The following ABCA13 variants were observed in gnomAD, a reference collection of about 807,000 sequenced individuals.
ABCA13 encodes the protein ATP binding cassette subfamily A member 13, also known as ATP-binding cassette sub-family A member 13.
Under a neutral mutation model 478.7 loss-of-function variants are expected in ABCA13, and 476 were observed. That is an observed-to-expected ratio of 0.99 (90% CI 0.92 to 1.07). The LOEUF is 1.07. Ranked by LOEUF, ABCA13 falls within the 50% of genes least tolerant of loss-of-function variation. The pLI is 0.00. For synonymous variants in ABCA13, 2,252 were observed against 2,158.9 expected, an observed-to-expected ratio of 1.04 and a Z score of -1.20; for missense variants, 6,060 against 5,910.6, an observed-to-expected ratio of 1.03 and a Z score of -0.83.
chr7:48,579,233 T>C (rs962165586), intron 55 of ABCA13, among the ~76,000 whole-genome samples: 1 of 152,164 alleles, frequency 6.6e-6, no homozygotes, highest in African/African-American at 2.4e-5. Context: ...CAGACCCATG[T>C]CTCATAAAAG....
intron 55 of ABCA13, among the ~76,000 whole-genome samples, chr7:48,554,223 T>C (rs1411857884): frequency 6.6e-6 from 1 of 152,132 alleles, no homozygotes; most frequent in East Asian, 1.9e-4. Flanking sequence ...TTTTGGTTAC[T>C]ATGGCTCTGT....
chr7:48,255,956 A>G (rs936530882), intron 15 of ABCA13, among the ~76,000 whole-genome samples: 1 of 151,902 alleles, frequency 6.6e-6, no homozygotes, highest in African/African-American at 2.4e-5. Flanking sequence ...TTTCTCCACA[A>G]CCTCACCAGC....
chr7:48,598,292 A>T (rs1790506373), intron 58 of ABCA13, among the ~76,000 whole-genome samples: 1 of 152,026 alleles, frequency 6.6e-6, no homozygotes, highest in Non-Finnish European at 1.5e-5. Flanking sequence ...GTCATATTCC[A>T]CTATCTGGAT....
chr7:48,220,772 A>G (rs1379043975), intron 4 of ABCA13, among the ~76,000 whole-genome samples: 1 of 152,222 alleles, frequency 6.6e-6, no homozygotes, highest in East Asian at 1.9e-4. Context: ...TGAGGTTTTT[A>G]ACATGCTATT....
Position 48,239,454 on chromosome 7 carries a change from T to C in ABCA13, c.1062+49T>C, listed in dbSNP as rs1421821326. ...CTGTTCAAAGGTGTGCCAGTTTGAG[T>C]GTCCAAATCCATTCTCCTCCCCTGC... On this transcript the variant is annotated intron_variant, in intron 9 of 61. Coordinates refer to ENST00000435803, the MANE Select transcript of ABCA13 (RefSeq NM_152701.5). 3.9e-6 allele frequency: 6 copies of C among 1,528,552 alleles called. No individual in the cohort carries two copies. In the African/African-American group the frequency reaches 8.3e-5, roughly 21 times the overall value. 94.7% of individuals were successfully genotyped at this position (1,528,552 alleles called of 1,614,324 possible).
intron 47 of ABCA13, among the ~76,000 whole-genome samples, chr7:48,485,536 T>G (rs1585542970): frequency 6.6e-6 from 1 of 152,218 alleles, no homozygotes; most frequent in African/African-American, 2.4e-5. Context: ...TCACAAAGTA[T>G]GCATTTATTA....
intron 42 of ABCA13, among the ~76,000 whole-genome samples, chr7:48,430,284 A>G (rs1373612959): frequency 2.0e-5 from 3 of 152,180 alleles, no homozygotes; most frequent in African/African-American, 7.2e-5. Flanking sequence ...TCTTTCTAGG[A>G]ATCTGTCCAT....
intron 27 of ABCA13, among the ~76,000 whole-genome samples, chr7:48,327,970 A>G (rs1019941159): frequency 2.0e-5 from 3 of 152,244 alleles, no homozygotes; most frequent in Non-Finnish European, 4.4e-5. Flanking sequence ...TGAATCAGAT[A>G]TAGACTGATC....
chr7:48,176,087 G>T (rs932386463), intron 1 of ABCA13, among the ~76,000 whole-genome samples: 17 of 152,146 alleles, frequency 1.1e-4, no homozygotes, highest in Admixed American at 7.2e-4. Context: ...CATTCACAGG[G>T]TGGTTGTTGT....
intron 38 of ABCA13, among the ~76,000 whole-genome samples, chr7:48,396,264 G>A (rs151253588): frequency 0.026 from 3,984 of 152,312 alleles, 63 homozygotes; most frequent in Non-Finnish European, 0.037. Flanking sequence ...CCCCTTGTGG[G>A]CTCTCTCAGA....
intron 55 of ABCA13, among the ~76,000 whole-genome samples, chr7:48,570,949 GT>G (rs138036199): frequency 0.067 from 10,223 of 151,792 alleles, 446 homozygotes; most frequent in African/African-American, 0.12. Context: ...TCCTTATTGT[GT>G]TTTTTTGCTA....
At chr7:48,180,937 C>G (rs1181832166) in intron 1 of ABCA13, among the ~76,000 whole-genome samples, 1 of 152,106 alleles carries the variant, frequency 6.6e-6, no homozygotes, top group East Asian at 1.9e-4. Flanking sequence ...AACAAACAAA[C>G]AAACAAACAA....
chr7:48,345,585 A>C (rs1404496868), intron 29 of ABCA13, among the ~76,000 whole-genome samples: 2 of 152,206 alleles, frequency 1.3e-5, no homozygotes, highest in Non-Finnish European at 2.9e-5. Context: ...AAGGATGTAA[A>C]GAAAATATTT....
intron 23 of ABCA13, among the ~76,000 whole-genome samples, chr7:48,303,924 G>T (rs546064624): frequency 2.0e-5 from 3 of 152,178 alleles, no homozygotes; most frequent in African/African-American, 7.2e-5. Flanking sequence ...TTATTTGTTT[G>T]GGCTCTTAAA....
At chr7:48,609,133 G>T (rs1337914226) in intron 58 of ABCA13, among the ~76,000 whole-genome samples, 5 of 152,110 alleles carry the variant, frequency 3.3e-5, no homozygotes, top group African/African-American at 1.2e-4. Context: ...GCTGGAGTTT[G>T]CTGGCATGAG....
At chr7:48,395,805 C>T (rs1420453016) in intron 38 of ABCA13, among the ~76,000 whole-genome samples, 2 of 152,200 alleles carry the variant, frequency 1.3e-5, no homozygotes, top group East Asian at 3.8e-4. Context: ...GAGGTGTCAA[C>T]TGACTGTTTA....
chr7:48,188,703 A>G (rs527700937), intron 1 of ABCA13, among the ~76,000 whole-genome samples: 47 of 152,080 alleles, frequency 3.1e-4, no homozygotes, highest in Middle Eastern at 3.4e-3. Context: ...GGAAGTTTCA[A>G]TGTATCATTT....
chr7:48,380,399 A>C (rs1406853933), intron 35 of ABCA13, among the ~76,000 whole-genome samples: 1 of 152,236 alleles, frequency 6.6e-6, no homozygotes, highest in African/African-American at 2.4e-5. Context: ...TGACATCACT[A>C]TTGATGGCGT....
At chr7:48,235,507 C>T (rs1171648806) in intron 8 of ABCA13, among the ~76,000 whole-genome samples, 1 of 152,170 alleles carries the variant, frequency 6.6e-6, no homozygotes, top group Non-Finnish European at 1.5e-5. Flanking sequence ...TGTGAGCTTT[C>T]TATTGCTGCT....
Sources: gnomAD v4.1 joint callset for allele counts (sites outside exome capture counted in the v4.1 genomes callset) on GRCh38, gnomAD v4.1.1 for gene constraint, MANE v1.5 for transcripts, NCBI Gene and HGNC (gene_info 2026-07-23, HGNC 2026-07-21) for gene names.